ACTA2: variants seen among roughly 807,000 people sequenced by gnomAD.
ACTA2 encodes actin, aortic smooth muscle.
Under a neutral mutation model 39.5 loss-of-function variants are expected in ACTA2, and 12 were observed. The observed-to-expected ratio is 0.30, with a 90% CI of 0.19 to 0.49. The LOEUF is 0.49. Among genes scored for constraint, ACTA2 ranks in the 20% least tolerant of loss-of-function variants. The pLI, the probability that ACTA2 is intolerant of heterozygous loss-of-function variation, is 0.99. For synonymous variants in ACTA2, 158 were observed against 180.6 expected, an observed-to-expected ratio of 0.88 and a Z score of 1.00; for missense variants, 236 against 498.8, an observed-to-expected ratio of 0.47 and a Z score of 5.02.
chr10:88,975,620 T>C (rs780703877), intron 1 of ACTA2, among the ~76,000 whole-genome samples: 21 of 151,600 alleles, frequency 1.4e-4, no homozygotes, highest in Admixed American at 2.0e-4. Flanking sequence ...TTCCACTGGA[T>C]CGTAAGTTCC....
chr10:88,976,427 G>A (rs1846566131), intron 1 of ACTA2, among the ~76,000 whole-genome samples: 1 of 152,172 alleles, frequency 6.6e-6, no homozygotes, highest in Non-Finnish European at 1.5e-5. Context: ...ATAGGCCAAG[G>A]AAAATATATT....
chr10:88,975,421 G>A (rs986885887), intron 1 of ACTA2, among the ~76,000 whole-genome samples: 1 of 152,122 alleles, frequency 6.6e-6, no homozygotes, highest in Non-Finnish European at 1.5e-5. Context: ...GAAAGTGTTT[G>A]TTTTTTTCTT....
intron 1 of ACTA2, among the ~76,000 whole-genome samples, chr10:88,989,996 A>AT (rs1035939637): frequency 1.8e-4 from 27 of 152,092 alleles, no homozygotes; most frequent in African/African-American, 2.9e-4. Flanking sequence ...GAATTACAAG[A>AT]TTTTTTTTTA....
At chr10:88,939,422 C>T in intron 7 of ACTA2, 85 bp downstream of exon 7, 6 of 1,566,870 alleles carry the variant, frequency 3.8e-6, no homozygotes, top group Non-Finnish European at 5.3e-6. Flanking sequence ...GGGCAACCGT[C>T]ACTTGTCTCC....
intron 6 of ACTA2, 177 bp downstream of exon 6, chr10:88,941,052 G>C: frequency 2.7e-6 from 2 of 745,114 alleles, no homozygotes; most frequent in Non-Finnish European, 4.6e-6. Context: ...AGGAAATAGT[G>C]TAATCATTTT....
At position 88,948,958 on chromosome 10, in the gene ACTA2, A is replaced by G. The variant is rs374531018; in HGVS notation, c.-23-5T>C. The G allele has an allele frequency of 1.2e-6, 2 of 1,613,150 alleles. No homozygotes were observed. The highest frequency in any genetic ancestry group is 1.7e-5 in the Admixed American group (1 of 59,978). On this transcript the variant is annotated splice_region_variant and splice_polypyrimidine_tract_variant and intron_variant, in intron 1 of 8. Transcript: ENST00000224784. ...CTGGAGCTGCTTCACAGGATTCTAT[A>G]GAAAACAGGGAGGAAGCAGCCTCAG...
chr10:88,941,928 A>G, intron 4 of ACTA2, 59 bp from the exon 5 acceptor site: 1 of 1,476,670 alleles, frequency 6.8e-7, no homozygotes, highest in Non-Finnish European at 9.3e-7. Flanking sequence ...AAGAATGGTC[A>G]GGAGAGCACA....
At chr10:88,978,702 C>A (rs1401213695) in intron 1 of ACTA2, among the ~76,000 whole-genome samples, 1 of 152,154 alleles carries the variant, frequency 6.6e-6, no homozygotes, top group Non-Finnish European at 1.5e-5. Flanking sequence ...CTTCAGGGAA[C>A]TGAAGATGTC....
At chr10:88,961,960 A>G (rs1846232724) in intron 1 of ACTA2, among the ~76,000 whole-genome samples, 1 of 152,182 alleles carries the variant, frequency 6.6e-6, no homozygotes, top group South Asian at 2.1e-4. Flanking sequence ...CTCTGTGTGC[A>G]CACCCTTTAT....
chr10:88,962,724 A>G (rs367975600), intron 1 of ACTA2, among the ~76,000 whole-genome samples: 34 of 151,796 alleles, frequency 2.2e-4, no homozygotes, highest in Admixed American at 1.1e-3. Context: ...TCATAAGTGT[A>G]TTACTCTGTT....
upstream of ACTA2, among the ~76,000 whole-genome samples, chr10:88,956,317 G>A (rs1846138041): frequency 3.9e-5 from 6 of 152,186 alleles, no homozygotes; most frequent in Admixed American, 3.9e-4. Context: ...CTATGTCTTT[G>A]TATTTTCTAG....
chr10:88,983,047 G>A (rs967678039), intron 1 of ACTA2, among the ~76,000 whole-genome samples: 10 of 152,120 alleles, frequency 6.6e-5, no homozygotes, highest in Admixed American at 3.3e-4. Context: ...TAGACCTACC[G>A]AATCAGAATC....
chr10:88,986,667 G>A (rs981359669), intron 1 of ACTA2, among the ~76,000 whole-genome samples: 30 of 64,564 alleles, frequency 4.6e-4, no homozygotes, highest in Non-Finnish European at 7.8e-4. Flanking sequence ...AGTAATACAG[G>A]AAGGAAGTAG....
upstream of ACTA2, among the ~76,000 whole-genome samples, chr10:88,956,855 C>G (rs1397548925): frequency 6.6e-6 from 1 of 152,156 alleles, no homozygotes; most frequent in Non-Finnish European, 1.5e-5. Context: ...CCAGGAAGTC[C>G]AGGATCAAGG....
intron 1 of ACTA2, among the ~76,000 whole-genome samples, chr10:88,976,041 T>A (rs1846554856): frequency 1.3e-5 from 2 of 152,190 alleles, no homozygotes; most frequent in Admixed American, 1.3e-4. Context: ...CCCATCCCGA[T>A]TAGGACCCAA....
intron 1 of ACTA2, among the ~76,000 whole-genome samples, chr10:88,950,842 T>A (rs979209167): frequency 2.6e-5 from 4 of 152,248 alleles, no homozygotes; most frequent in South Asian, 2.1e-4. Context: ...TTGGGTTTTT[T>A]AAAGTGTTTA....
intron 1 of ACTA2, among the ~76,000 whole-genome samples, chr10:88,984,446 G>A (rs1225359799): frequency 6.6e-6 from 1 of 152,188 alleles, no homozygotes; most frequent in Non-Finnish European, 1.5e-5. Flanking sequence ...AATGATAGTA[G>A]CACACTAGTG....
exon 1 of ACTA2, chr10:88,991,332 C>T: frequency 3.0e-6 from 1 of 334,648 alleles, no homozygotes; most frequent in Non-Finnish European, 5.7e-6. Context: ...CAAGCCAAGC[C>T]AAAGGTCCGC....
rs1847007157 is a variant in ACTA2, at chr10:88,988,942, A to G, written c.-24+1997T>C. 2.0e-5 allele frequency among the ~76,000 whole-genome samples: 3 copies of G among 152,214 alleles called. No individual in the cohort carries two copies. The South Asian group carries it at 6.2e-4, about 31-fold the overall frequency. On this transcript the variant is annotated intron_variant, in intron 1 of 4. Transcript: ENST00000415557. The stretch of plus-strand genomic sequence containing the variant: ...GTCTCCCCACAAAGCACATATTCCT[A>G]TCTCCTTGAACTTGAGGATAATTAG...
Sources: allele counts gnomAD v4.1 joint callset (sites outside exome capture counted in the v4.1 genomes callset), GRCh38; gene constraint gnomAD v4.1.1; transcripts MANE v1.5; gene names NCBI Gene and HGNC (gene_info 2026-07-23, HGNC 2026-07-21).